Variants in HSD17B12 observed in about 807,000 individuals in gnomAD.
The protein encoded by HSD17B12 is very-long-chain 3-oxoacyl-CoA reductase.
Under a neutral mutation model 39.3 loss-of-function variants are expected in HSD17B12, and 32 were observed. That is an observed-to-expected ratio of 0.81 (90% confidence interval 0.61 to 1.09). HSD17B12 has a LOEUF of 1.09. HSD17B12 is among the 50% of genes least tolerant of loss of function. The pLI is 0.00. For missense variants in HSD17B12, 342 were observed against 382.9 expected (o/e 0.89, Z 0.89); for synonymous variants, 150 against 146.7 (o/e 1.02, Z -0.16).
intron 1 of HSD17B12, among the ~76,000 whole-genome samples, chr11:43,721,374 G>A (rs1017270211): frequency 6.6e-6 from 1 of 152,018 alleles, no homozygotes; most frequent in Non-Finnish European, 1.5e-5. Flanking sequence ...ATCTCAGCAC[G>A]TTTGGAGGCT....
At chr11:43,690,388 A>AT (rs1232125962) in intron 1 of HSD17B12, among the ~76,000 whole-genome samples, 163 of 11,782 alleles carry the variant, frequency 0.014, 17 homozygotes, top group East Asian at 0.031. Flanking sequence ...ATATATATAT[A>AT]TATATATATA....
chr11:43,600,554 GT>G, the HSD17B12 span, among the ~76,000 whole-genome samples: 5 of 151,954 alleles, frequency 3.3e-5, no homozygotes, highest in South Asian at 2.1e-4. Flanking sequence ...AGTCTGAAAA[GT>G]TTTTTTCTTT....
At chr11:43,561,855 G>A in the HSD17B12 span, among the ~76,000 whole-genome samples, 1 of 152,194 alleles carries the variant, frequency 6.6e-6, no homozygotes, top group South Asian at 2.1e-4. Flanking sequence ...AATAATGATT[G>A]ACTGTTTACA....
At chr11:43,565,307 C>A in the HSD17B12 span, among the ~76,000 whole-genome samples, 1 of 152,184 alleles carries the variant, frequency 6.6e-6, no homozygotes, top group Non-Finnish European at 1.5e-5. Flanking sequence ...GACAGCTTCC[C>A]TCCACTGACC....
intron 1 of HSD17B12, among the ~76,000 whole-genome samples, chr11:43,733,446 G>C (rs572693438): frequency 6.6e-5 from 10 of 152,280 alleles, no homozygotes; most frequent in Admixed American, 4.6e-4. Flanking sequence ...TAAAGTATCT[G>C]CTACTGTGTT....
chr11:43,684,105 G>T (rs1381247716), intron 1 of HSD17B12, among the ~76,000 whole-genome samples: 7 of 152,176 alleles, frequency 4.6e-5, no homozygotes, highest in Non-Finnish European at 8.8e-5. Flanking sequence ...TCCATCTCCT[G>T]GTCAAGAGCT....
At chr11:43,826,191 T>G (rs1951237327) in intron 6 of HSD17B12, among the ~76,000 whole-genome samples, 2 of 150,984 alleles carry the variant, frequency 1.3e-5, no homozygotes, top group African/African-American at 4.9e-5. Flanking sequence ...CACGCCATTC[T>G]CCTGCCTCAG....
the HSD17B12 span, among the ~76,000 whole-genome samples, chr11:43,574,550 C>T: frequency 6.6e-6 from 1 of 152,166 alleles, no homozygotes; most frequent in Non-Finnish European, 1.5e-5. Flanking sequence ...ACCTCCATCA[C>T]TCATCAATCA....
At chr11:43,841,610 G>C (rs1951426872) in intron 9 of HSD17B12, among the ~76,000 whole-genome samples, 1 of 152,206 alleles carries the variant, frequency 6.6e-6, no homozygotes, top group South Asian at 2.1e-4. Context: ...CACAAAATAT[G>C]AGAGAAAGCA....
the HSD17B12 span, among the ~76,000 whole-genome samples, chr11:43,639,968 G>T: frequency 3.3e-5 from 5 of 152,188 alleles, no homozygotes; most frequent in Admixed American, 2.6e-4. Context: ...CTGGCAAATT[G>T]CAAGTCCACA....
the HSD17B12 span, among the ~76,000 whole-genome samples, chr11:43,594,709 C>T: frequency 1.8e-3 from 278 of 152,098 alleles, 2 homozygotes; most frequent in African/African-American, 6.2e-3. Flanking sequence ...ATTAAAAATG[C>T]GTTTTACCCT....
At chr11:43,837,295 G>T (rs572809606) in intron 7 of HSD17B12, among the ~76,000 whole-genome samples, 23 of 152,230 alleles carry the variant, frequency 1.5e-4, no homozygotes, top group South Asian at 1.5e-3. Flanking sequence ...GTGTTGGGAA[G>T]TAAATTCAGA....
intron 1 of HSD17B12, among the ~76,000 whole-genome samples, chr11:43,740,043 G>A (rs1468355741): frequency 6.6e-6 from 1 of 152,174 alleles, no homozygotes; most frequent in Non-Finnish European, 1.5e-5. Flanking sequence ...GCTGTTAACA[G>A]TAGTTCTTGT....
At chr11:43,594,246 G>A in the HSD17B12 span, among the ~76,000 whole-genome samples, 1 of 151,886 alleles carries the variant, frequency 6.6e-6, no homozygotes, top group East Asian at 1.9e-4. Context: ...TACAACTTTG[G>A]GGAAGGATCT....
chr11:43,683,649 C>T (rs1240247388), intron 1 of HSD17B12, among the ~76,000 whole-genome samples: 2 of 152,146 alleles, frequency 1.3e-5, no homozygotes, highest in African/African-American at 2.4e-5. Flanking sequence ...GTAAATAGTA[C>T]TAGTAAGTTT....
upstream of HSD17B12, among the ~76,000 whole-genome samples, chr11:43,676,018 A>G (rs1949691243): frequency 6.6e-6 from 1 of 152,110 alleles, no homozygotes; most frequent in Admixed American, 6.6e-5. Context: ...AGGCTGAGGA[A>G]GGAGAATCAC....
chr11:43,694,701 A>G (rs1456148353), intron 1 of HSD17B12, among the ~76,000 whole-genome samples: 1 of 152,088 alleles, frequency 6.6e-6, no homozygotes, highest in Non-Finnish European at 1.5e-5. Flanking sequence ...AAAGAAACAT[A>G]AAAGTTAAAG....
chr11:43,652,421 G>C, the HSD17B12 span, among the ~76,000 whole-genome samples: 1 of 152,168 alleles, frequency 6.6e-6, no homozygotes, highest in Non-Finnish European at 1.5e-5. Flanking sequence ...CAAGCAAGCA[G>C]TTCTGCAGCA....
At chr11:43,840,548 C>A (rs558414956) in intron 9 of HSD17B12, among the ~76,000 whole-genome samples, 1 of 151,852 alleles carries the variant, frequency 6.6e-6, no homozygotes, top group Non-Finnish European at 1.5e-5. Flanking sequence ...CCCATTTCCC[C>A]TTCCCTCCAG....
Sources: allele counts gnomAD v4.1 joint callset (sites outside exome capture counted in the v4.1 genomes callset), GRCh38; gene constraint gnomAD v4.1.1; transcripts MANE v1.5; gene names NCBI Gene and HGNC (gene_info 2026-07-23, HGNC 2026-07-21).